The following SPRED2 variants were observed in gnomAD, a reference collection of about 807,000 sequenced individuals.
SPRED2 encodes the protein sprouty-related, EVH1 domain-containing protein 2.
A neutral mutation model predicts 43.0 loss-of-function variants in SPRED2; 47 were observed. The ratio of observed to expected loss-of-function variants is 1.09; its 90% CI spans 0.87 to 1.40. SPRED2 has a LOEUF of 1.40. SPRED2 is among the 40% of genes most tolerant of loss of function. The pLI is 0.00. For missense variants in SPRED2, 561 were observed against 586.4 expected (o/e 0.96, Z 0.45); for synonymous variants, 225 against 225.7 (o/e 1.00, Z 0.03).
chr2:65,348,500 TA>T (rs5831748), intron 1 of SPRED2, among the ~76,000 whole-genome samples: 2 of 151,790 alleles, frequency 1.3e-5, no homozygotes, highest in Admixed American at 6.6e-5. Context: ...TAAACAGGTT[TA>T]AAAAAAATTA....
At chr2:65,342,308 ATATTATGTATGTATATTTTGTATACG>A in intron 2 of SPRED2, among the ~76,000 whole-genome samples, 5 of 143,902 alleles carry the variant, frequency 3.5e-5, no homozygotes, top group Admixed American at 7.0e-5. Context: ...TTGTATACGT[ATATTATGTATGTATATTTTGTATACG>A]TATATTATGT....
Position 65,313,872 on chromosome 2 carries a change from T to A in SPRED2, c.886A>T (p.Lys296Ter). ...CCGTCCTCCTTCCGCCGCCGCGACT[T>A]GCCCCGGGAGGGCTGCGTCTTGATC... ...SVIKTQPSRG[K>*]SRRRKEDGER... Residue 296 changes from lysine to a stop codon, truncating the protein, a stop_gained, in exon 6 of 6, where the codon AAG (lysine) becomes TAG (stop). Transcript: ENST00000356388. LOFTEE classifies it high-confidence loss of function. 6.2e-7 allele frequency: 1 copy of A among 1,610,692 alleles called. No individual in the cohort carries two copies. Among genetic ancestry groups the A allele is most frequent in the Non-Finnish European group, 8.5e-7 (1 of 1,179,818 alleles).
At chr2:65,351,614 G>A (rs928879190) in intron 1 of SPRED2, among the ~76,000 whole-genome samples, 17 of 152,062 alleles carry the variant, frequency 1.1e-4, no homozygotes, top group Non-Finnish European at 1.5e-4. Context: ...CACATCCCCC[G>A]CCCCCGGTCT....
intron 1 of SPRED2, among the ~76,000 whole-genome samples, chr2:65,356,282 G>A (rs11896863): frequency 0.026 from 3,924 of 152,264 alleles, 181 homozygotes; most frequent in African/African-American, 0.09. Flanking sequence ...ATAGATATGT[G>A]TATGATAAAA....
chr2:65,320,195 A>G (rs1409086943), intron 4 of SPRED2, among the ~76,000 whole-genome samples: 1 of 152,204 alleles, frequency 6.6e-6, no homozygotes, highest in African/African-American at 2.4e-5. Flanking sequence ...ACAGTCATCT[A>G]TTAGGTTAGA....
At chr2:65,378,626 T>C (rs1338341752) in intron 1 of SPRED2, among the ~76,000 whole-genome samples, 1 of 152,226 alleles carries the variant, frequency 6.6e-6, no homozygotes, top group East Asian at 1.9e-4. Flanking sequence ...TGTGGCCCCA[T>C]AGGGGTGACA....
At chr2:65,377,012 C>T (rs1675256937) in intron 1 of SPRED2, among the ~76,000 whole-genome samples, 1 of 152,178 alleles carries the variant, frequency 6.6e-6, no homozygotes, top group South Asian at 2.1e-4. Flanking sequence ...CCATGCCTGG[C>T]CACAATCTTT....
chr2:65,424,578 G>A lies in SPRED2; in HGVS notation c.26+7384C>T, dbSNP rs558440984. ...GGAGTTCAAGGCTCCAGTAAGCCAT[G>A]ATTGCACCCCTGCACTCCAGCCTGG... On this transcript the variant is annotated intron_variant, in intron 1 of 5. Coordinates refer to ENST00000356388, the MANE Select transcript of SPRED2 (RefSeq NM_181784.3). Among the ~76,000 whole-genome samples, 10 of 152,120 alleles carry A rather than the reference G, an allele frequency of 6.6e-5. No homozygotes were observed. The East Asian group carries it at 1.7e-3, about 26-fold the overall frequency.
intron 1 of SPRED2, among the ~76,000 whole-genome samples, chr2:65,399,294 T>C (rs1476640479): frequency 6.7e-6 from 1 of 149,080 alleles, no homozygotes; most frequent in Non-Finnish European, 1.5e-5. Context: ...GGTGTATATA[T>C]ATACACCATG....
intron 1 of SPRED2, among the ~76,000 whole-genome samples, chr2:65,400,022 A>C (rs1198272396): frequency 5.9e-5 from 9 of 152,236 alleles, no homozygotes; most frequent in African/African-American, 9.6e-5. Flanking sequence ...TACCTGAGCT[A>C]GTCTCAGCAC....
intron 2 of SPRED2, among the ~76,000 whole-genome samples, chr2:65,336,610 T>C (rs1178736044): frequency 2.6e-5 from 4 of 152,242 alleles, no homozygotes; most frequent in African/African-American, 9.6e-5. Flanking sequence ...CCATTCCACA[T>C]TGGGGAAATC....
intron 1 of SPRED2, 137 bp downstream of exon 1, chr2:65,431,825 T>G (rs2103832029): frequency 9.4e-7 from 1 of 1,062,046 alleles, no homozygotes; most frequent in South Asian, 1.3e-5. Flanking sequence ...AAGCCTCGCG[T>G]CCCAACGCCG....
intron 5 of SPRED2, among the ~76,000 whole-genome samples, chr2:65,316,160 G>C (rs1673226259): frequency 6.6e-6 from 1 of 152,214 alleles, no homozygotes; most frequent in African/African-American, 2.4e-5. Flanking sequence ...CCCATGATTT[G>C]GGAACTTGCT....
chr2:65,327,709 CTTTCTT>C (rs1673672059), intron 4 of SPRED2, among the ~76,000 whole-genome samples: 1 of 115,454 alleles, frequency 8.7e-6, no homozygotes, highest in African/African-American at 3.3e-5. Flanking sequence ...TCTTTTCTTT[CTTTCTT>C]TTTTTTTTTT....
rs934285086 is a variant in SPRED2 at position 65,314,682 on chromosome 2, T to C, written c.589-513A>G. Among the ~76,000 whole-genome samples, 6 of 152,318 alleles carry C rather than the reference T, an allele frequency of 3.9e-5. No homozygotes were observed. The East Asian group carries it at 1.2e-3, about 29-fold the overall frequency. ...TTTGTAAGGCTGGCTTTTTAAAAATTGAAATAGAATAAGGACACTGGAGTG... is the reference window on the plus strand; with the variant it reads ...TTTGTAAGGCTGGCTTTTTAAAAATCGAAATAGAATAAGGACACTGGAGTG... On this transcript the variant is annotated intron_variant, in intron 5 of 5. Transcript: ENST00000356388.
intron 1 of SPRED2, among the ~76,000 whole-genome samples, chr2:65,402,808 T>A (rs1675936809): frequency 6.6e-6 from 1 of 152,220 alleles, no homozygotes. Flanking sequence ...CAGAAATTTT[T>A]AAAATCAATA....
At chr2:65,367,541 A>G (rs1199551654) in intron 1 of SPRED2, among the ~76,000 whole-genome samples, 1 of 152,194 alleles carries the variant, frequency 6.6e-6, no homozygotes, top group Non-Finnish European at 1.5e-5. Context: ...CTAGTTAGGT[A>G]TAGAGCTACC....
At chr2:65,356,536 C>CTTT (rs1274369940) in intron 1 of SPRED2, among the ~76,000 whole-genome samples, 6,695 of 60,172 alleles carry the variant, frequency 0.11, 615 homozygotes, top group African/African-American at 0.19. Context: ...CCAGTTCCCT[C>CTTT]TTTTTTTTTT....
intron 1 of SPRED2, among the ~76,000 whole-genome samples, chr2:65,398,677 C>T (rs1310636923): frequency 6.6e-6 from 1 of 152,172 alleles, no homozygotes; most frequent in East Asian, 1.9e-4. Flanking sequence ...GATACCACCT[C>T]ACTCCTGCAA....
Sources: allele counts gnomAD v4.1 joint callset (sites outside exome capture counted in the v4.1 genomes callset), GRCh38; gene constraint gnomAD v4.1.1; transcripts MANE v1.5; gene names NCBI Gene and HGNC (gene_info 2026-07-23, HGNC 2026-07-21).